MGAT4A: variants seen among roughly 807,000 people sequenced by gnomAD.
MGAT4A encodes alpha-1,3-mannosyl-glycoprotein 4-beta-N-acetylglucosaminyltransferase A, also known as N-acetylglucosaminyltransferase IVa.
MGAT4A carries 33 observed loss-of-function variants against 74.1 expected under a neutral mutation model. That is an observed-to-expected ratio of 0.45 (90% confidence interval 0.34 to 0.60). The LOEUF is 0.60. Ranked by LOEUF, MGAT4A falls within the 20% of genes least tolerant of loss-of-function variation. MGAT4A has a pLI of 0.02. For missense variants in MGAT4A, 479 were observed against 628.3 expected (o/e 0.76, Z 2.54); for synonymous variants, 198 against 210.4 (o/e 0.94, Z 0.51).
At chr2:98,676,686 T>C (rs1260415690) in intron 3 of MGAT4A, among the ~76,000 whole-genome samples, 1 of 152,196 alleles carries the variant, frequency 6.6e-6, no homozygotes, top group African/African-American at 2.4e-5. Flanking sequence ...TTGTGGTATA[T>C]ATAGCTGGCA....
At chr2:98,675,322 A>C in intron 3 of MGAT4A, 147 bp from the exon 4 acceptor site, 1 of 622,006 alleles carries the variant, frequency 1.6e-6, no homozygotes, top group Non-Finnish European at 2.7e-6. Flanking sequence ...TCTCCATTTA[A>C]GATGAAAAGG....
At chr2:98,659,957 C>T (rs974031995) in intron 5 of MGAT4A, among the ~76,000 whole-genome samples, 4 of 127,052 alleles carry the variant, frequency 3.1e-5, no homozygotes, top group Non-Finnish European at 6.5e-5. Context: ...GCACTTAATA[C>T]TTGAGAAAAA....
At chr2:98,697,561 T>C (rs1464181034) in intron 2 of MGAT4A, among the ~76,000 whole-genome samples, 2 of 152,218 alleles carry the variant, frequency 1.3e-5, no homozygotes, top group Non-Finnish European at 2.9e-5. Context: ...TTGTACATTA[T>C]ATACACATAA....
intron 9 of MGAT4A, 99 bp from the exon 10 acceptor site, chr2:98,644,152 C>A (rs186849663): frequency 1.7e-6 from 2 of 1,145,680 alleles, no homozygotes; most frequent in Non-Finnish European, 2.4e-6. Context: ...CTGAGGCTTG[C>A]GCTTTCAACT....
chr2:98,683,686 T>C (rs1432425003), intron 2 of MGAT4A, among the ~76,000 whole-genome samples: 29 of 152,130 alleles, frequency 1.9e-4, no homozygotes, highest in Admixed American at 1.9e-3. Context: ...TGCATTTTCT[T>C]GTTATGTTTT....
In MGAT4A at chr2:98,703,054, G is replaced by T. The variant is rs147548691; in HGVS notation, c.94+23185C>A. On this transcript the variant is annotated intron_variant, in intron 2 of 15. Coordinates refer to ENST00000393487, the MANE Select transcript of MGAT4A (RefSeq NM_012214.3). ...AAAATTCTGGCAGTCAGTGGAAGTGGTCTCTGAGTATTCCCAGATGCTGGG... is the reference window on the plus strand; with the variant it reads ...AAAATTCTGGCAGTCAGTGGAAGTGTTCTCTGAGTATTCCCAGATGCTGGG... 4.7e-3 allele frequency among the ~76,000 whole-genome samples: 711 copies of T among 152,340 alleles called. 5 individuals are homozygous for T. Among genetic ancestry groups the T allele is most frequent in the African/African-American group, 0.016 (673 of 41,574 alleles).
At chr2:98,727,446 T>A (rs1266093488) in intron 1 of MGAT4A, among the ~76,000 whole-genome samples, 2 of 152,220 alleles carry the variant, frequency 1.3e-5, no homozygotes, top group African/African-American at 2.4e-5. Flanking sequence ...AACCAAACTT[T>A]TTTGGTTAAT....
intron 4 of MGAT4A, among the ~76,000 whole-genome samples, chr2:98,669,960 G>A (rs1181775464): frequency 2.0e-5 from 3 of 152,146 alleles, no homozygotes; most frequent in Non-Finnish European, 2.9e-5. Flanking sequence ...TGCATGACTG[G>A]TCAACCTTGG....
intron 2 of MGAT4A, among the ~76,000 whole-genome samples, chr2:98,714,270 A>G (rs1702561475): frequency 6.6e-6 from 1 of 152,098 alleles, no homozygotes; most frequent in Non-Finnish European, 1.5e-5. Context: ...TATTTTTAGT[A>G]GAGATGGGGT....
Position 98,655,532 on chromosome 2 carries a change from A to G in MGAT4A, c.699-12T>C, listed in dbSNP as rs755828298. Reference sequence around the variant, plus strand: ...GCTTTGTTCTCCATCTGAAATAAACATTTTCAAAAAGTAAGTTAGGAATCA... The same window carrying G: ...GCTTTGTTCTCCATCTGAAATAAACGTTTTCAAAAAGTAAGTTAGGAATCA... On this transcript the variant is annotated splice_polypyrimidine_tract_variant and intron_variant, in intron 7 of 15. Transcript: ENST00000393487. 1 of 1,581,272 alleles carries G rather than the reference A, an allele frequency of 6.3e-7. No individual in the cohort carries two copies. Among genetic ancestry groups the G allele is most frequent in the Non-Finnish European group, 8.6e-7 (1 of 1,156,600 alleles).
intron 7 of MGAT4A, chr2:98,655,794 G>A (rs547317847): frequency 5.7e-5 from 15 of 263,722 alleles, no homozygotes; most frequent in African/African-American, 3.3e-4. Flanking sequence ...ATGTATACAT[G>A]TTCCCCTTCT....
chr2:98,695,777 G>A (rs1007002549), intron 2 of MGAT4A, among the ~76,000 whole-genome samples: 5 of 151,896 alleles, frequency 3.3e-5, no homozygotes, highest in Non-Finnish European at 5.9e-5. Context: ...TTTGTATCTG[G>A]TATTTAATCT....
intron 14 of MGAT4A, among the ~76,000 whole-genome samples, chr2:98,630,250 G>A (rs1404018990): frequency 6.6e-6 from 1 of 152,174 alleles, no homozygotes; most frequent in South Asian, 2.1e-4. Flanking sequence ...TCCATCCATA[G>A]AGGAGTGAAA....
At chr2:98,654,326 T>TA (rs1024345250) in intron 8 of MGAT4A, among the ~76,000 whole-genome samples, 13 of 151,434 alleles carry the variant, frequency 8.6e-5, no homozygotes, top group African/African-American at 2.9e-4. Flanking sequence ...ATTAAACAAG[T>TA]AAAAAAAGTA....
Position 98,622,837 on chromosome 2 carries a change from G to C in MGAT4A, c.*2729C>G. 1.0e-6 allele frequency: 1 copy of C among 985,632 alleles called. No homozygotes were observed. Among genetic ancestry groups the C allele is most frequent in the Non-Finnish European group, 1.2e-6 (1 of 830,146 alleles). The allele number at this position is 985,632 out of a possible 1,614,324, so 61.1% of individuals were successfully genotyped here. A position where few individuals can be genotyped will look rare whatever the true frequency, so the allele number is the denominator to read the frequency against. ...ATTGTGTATGCAAGAGTATGGCAAC[G>C]ACAGCAGGGAGAGGGAGTTAAGAGA... is the stretch of plus-strand genomic sequence containing the variant. On this transcript the variant is annotated 3_prime_UTR_variant, in exon 16 of 16. Coordinates refer to ENST00000393487, the MANE Select transcript of MGAT4A (RefSeq NM_012214.3).
At position 98,622,441 on chromosome 2, in the gene MGAT4A, T is replaced by A. The variant is rs1418814208; in HGVS notation, c.*3125A>T. On this transcript the variant is annotated 3_prime_UTR_variant, in exon 16 of 16. Coordinates refer to ENST00000393487, the MANE Select transcript of MGAT4A (RefSeq NM_012214.3). ...TGTGTCTACTGGCTATATGTGTTTT[T>A]AAAACTAGTCCCAACCTTTGACACT... 1 of 985,362 alleles carries A rather than the reference T, an allele frequency of 1.0e-6. No homozygotes were observed. The highest frequency in any genetic ancestry group is 1.2e-6 in the Non-Finnish European group (1 of 829,940). 61.0% of individuals were successfully genotyped at this position (985,362 alleles called of 1,614,324 possible). A position where few individuals can be genotyped will look rare whatever the true frequency, so the allele number is the denominator to read the frequency against.
rs1230036137 is a variant in MGAT4A at position 98,622,271 on chromosome 2, TTTCTGCAGTGA to T, written c.*3284_*3294del. 2 of 985,308 alleles carry T rather than the reference TTTCTGCAGTGA, an allele frequency of 2.0e-6. No individual in the cohort carries two copies. Among genetic ancestry groups the T allele is most frequent in the Admixed American group, 1.2e-4 (2 of 16,264 alleles). 61.0% of individuals were successfully genotyped at this position (985,308 alleles called of 1,614,324 possible). A position where few individuals can be genotyped will look rare whatever the true frequency, so the allele number is the denominator to read the frequency against. On this transcript the variant is annotated 3_prime_UTR_variant, in exon 16 of 16. Transcript: ENST00000393487. ...TGGACACAGTACTGTTCAACAGAGC[TTTCTGCAGTGA>T]TGGAAAAGTTCTGCATCCGTGGTGT... is the stretch of plus-strand genomic sequence containing the variant.
Position 98,726,378 on chromosome 2 carries a change from C to T in MGAT4A, c.-46G>A. ...GTCCATATGTTTATGATGACAACAA[C>T]CAGGACTGTTTTCTTTTTACCCTGA... On this transcript the variant is annotated 5_prime_UTR_variant, in exon 2 of 16. Coordinates refer to ENST00000393487, the MANE Select transcript of MGAT4A (RefSeq NM_012214.3). 1 of 1,532,800 alleles carries T rather than the reference C, an allele frequency of 6.5e-7. No homozygotes were observed. The highest frequency in any genetic ancestry group is 9.0e-7 in the Non-Finnish European group (1 of 1,111,976). The allele number at this position is 1,532,800 out of a possible 1,614,324, so 94.9% of individuals were successfully genotyped here.
chr2:98,650,844 G>A (rs910080375), intron 8 of MGAT4A, among the ~76,000 whole-genome samples: 8 of 152,022 alleles, frequency 5.3e-5, no homozygotes, highest in African/African-American at 1.7e-4. Context: ...CTAGCTACTC[G>A]GGAAGCTGAG....
Sources: gnomAD v4.1 joint callset for allele counts (sites outside exome capture counted in the v4.1 genomes callset) on GRCh38, gnomAD v4.1.1 for gene constraint, MANE v1.5 for transcripts, NCBI Gene and HGNC (gene_info 2026-07-23, HGNC 2026-07-21) for gene names.